Variants in SUSD4 observed in about 807,000 individuals in gnomAD.
SUSD4 encodes sushi domain-containing protein 4.
Under a neutral mutation model 50.5 loss-of-function variants are expected in SUSD4, and 41 were observed. The ratio of observed to expected loss-of-function variants is 0.81; its 90% CI spans 0.63 to 1.05. The LOEUF is 1.05. Ranked by LOEUF, SUSD4 falls within the 50% of genes least tolerant of loss-of-function variation. The pLI is 0.00. For synonymous variants in SUSD4, 257 were observed against 257.3 expected (o/e 1.00, Z 0.01); for missense variants, 580 against 634.7 (o/e 0.91, Z 0.93).
At chr1:223,322,317 T>C (rs899288977) in intron 2 of SUSD4, among the ~76,000 whole-genome samples, 4 of 152,206 alleles carry the variant, frequency 2.6e-5, no homozygotes, top group Admixed American at 6.5e-5. Flanking sequence ...TAAATTGTTT[T>C]CTCATCTAAG....
intron 2 of SUSD4, among the ~76,000 whole-genome samples, chr1:223,307,742 C>T (rs569274131): frequency 2.6e-5 from 4 of 152,276 alleles, no homozygotes; most frequent in Middle Eastern, 3.4e-3. Flanking sequence ...CCCGGGTTAT[C>T]CACGGTGCTG....
intron 3 of SUSD4, among the ~76,000 whole-genome samples, chr1:223,276,369 C>T (rs986094454): frequency 6.6e-6 from 1 of 152,206 alleles, no homozygotes; most frequent in Non-Finnish European, 1.5e-5. Flanking sequence ...AGTGAGGTCT[C>T]AGCACTCACG....
intron 5 of SUSD4, among the ~76,000 whole-genome samples, chr1:223,238,927 G>A (rs1055064009): frequency 6.6e-6 from 1 of 151,930 alleles, no homozygotes; most frequent in Non-Finnish European, 1.5e-5. Context: ...TCCAATAAAG[G>A]TGTGTTAATC....
intron 2 of SUSD4, among the ~76,000 whole-genome samples, chr1:223,328,612 G>A (rs1430308107): frequency 6.6e-6 from 1 of 152,176 alleles, no homozygotes; most frequent in African/African-American, 2.4e-5. Flanking sequence ...GCTCGCTGTT[G>A]CCTCTGCCGC....
At chr1:223,292,904 G>A (rs1558222639) in intron 2 of SUSD4, among the ~76,000 whole-genome samples, 1 of 152,118 alleles carries the variant, frequency 6.6e-6, no homozygotes, top group Non-Finnish European at 1.5e-5. Context: ...GAGGGAGAAG[G>A]AAACAGACAA....
intron 2 of SUSD4, among the ~76,000 whole-genome samples, chr1:223,349,929 C>T (rs1668262402): frequency 6.6e-6 from 1 of 152,176 alleles, no homozygotes; most frequent in Non-Finnish European, 1.5e-5. Flanking sequence ...GAGATAGGGC[C>T]TTTAAGAGGT....
At chr1:223,236,262 T>C (rs376741508) in intron 5 of SUSD4, among the ~76,000 whole-genome samples, 1 of 152,238 alleles carries the variant, frequency 6.6e-6, no homozygotes, top group Non-Finnish European at 1.5e-5. Flanking sequence ...CTTTATCAGA[T>C]GTGCCTTTTG....
At chr1:223,264,003 C>T (rs1163677071) in intron 5 of SUSD4, 1 of 985,458 alleles carries the variant, frequency 1.0e-6, no homozygotes, top group Non-Finnish European at 1.2e-6. Flanking sequence ...GCTGAACCAG[C>T]ATGTCCAACT....
At chr1:223,306,861 C>T (rs764666045) in intron 2 of SUSD4, among the ~76,000 whole-genome samples, 1 of 151,728 alleles carries the variant, frequency 6.6e-6, no homozygotes, top group South Asian at 2.1e-4. Context: ...ATAATGAAAG[C>T]TACCTGTCTA....
At chr1:223,354,889 A>G (rs1325286035) in intron 2 of SUSD4, among the ~76,000 whole-genome samples, 4 of 152,238 alleles carry the variant, frequency 2.6e-5, no homozygotes, top group African/African-American at 9.6e-5. Flanking sequence ...GAAACTAGTT[A>G]GAACAGGAAC....
At chr1:223,289,919 C>A (rs1362088413) in intron 3 of SUSD4, among the ~76,000 whole-genome samples, 1 of 152,170 alleles carries the variant, frequency 6.6e-6, no homozygotes, top group Admixed American at 6.6e-5. Context: ...TTAATTCCAG[C>A]CAGGCTGCTT....
At chr1:223,331,656 C>T (rs1429016879) in intron 2 of SUSD4, among the ~76,000 whole-genome samples, 1 of 152,192 alleles carries the variant, frequency 6.6e-6, no homozygotes, top group Non-Finnish European at 1.5e-5. Context: ...CAAACAGCAA[C>T]TTGCCTGACA....
chr1:223,330,009 G>A (rs1451937921), intron 2 of SUSD4, among the ~76,000 whole-genome samples: 1 of 152,176 alleles, frequency 6.6e-6, no homozygotes, highest in Non-Finnish European at 1.5e-5. Context: ...TGTGTGGATG[G>A]ACAGGTGGAT....
chr1:223,307,420 A>T (rs1212580993), intron 2 of SUSD4, among the ~76,000 whole-genome samples: 1 of 152,246 alleles, frequency 6.6e-6, no homozygotes, highest in Non-Finnish European at 1.5e-5. Context: ...GATCAATGAC[A>T]GTTTGATAGG....
chr1:223,312,454 G>C (rs1010261367), intron 2 of SUSD4, among the ~76,000 whole-genome samples: 3 of 152,092 alleles, frequency 2.0e-5, no homozygotes, highest in African/African-American at 7.2e-5. Context: ...CCAAATCCTG[G>C]CTGCTAGGCA....
intron 2 of SUSD4, among the ~76,000 whole-genome samples, chr1:223,341,991 C>T (rs1488082747): frequency 6.6e-6 from 1 of 152,090 alleles, no homozygotes; most frequent in Non-Finnish European, 1.5e-5. Flanking sequence ...GTAAATGAGG[C>T]AACAGGCAAA....
At chr1:223,296,407 G>A (rs1350826968) in intron 2 of SUSD4, among the ~76,000 whole-genome samples, 4 of 152,166 alleles carry the variant, frequency 2.6e-5, no homozygotes, top group South Asian at 2.1e-4. Context: ...GTTCAGTGTG[G>A]AGTGTGGTGA....
At chr1:223,359,261 C>G in intron 2 of SUSD4, 1 of 400,194 alleles carries the variant, frequency 2.5e-6, no homozygotes, top group East Asian at 7.3e-5. Context: ...CAATAAGGTT[C>G]TAACCTATTT....
At chr1:223,232,670 G>A (rs557224984) in intron 5 of SUSD4, among the ~76,000 whole-genome samples, 6 of 152,192 alleles carry the variant, frequency 3.9e-5, no homozygotes, top group Non-Finnish European at 8.8e-5. Flanking sequence ...GTGTGCTCAA[G>A]AATTTCTGTA....
Sources: gnomAD v4.1 joint callset for allele counts (sites outside exome capture counted in the v4.1 genomes callset) on GRCh38, gnomAD v4.1.1 for gene constraint, MANE v1.5 for transcripts, NCBI Gene and HGNC (gene_info 2026-07-23, HGNC 2026-07-21) for gene names.